FNDC3B: variants seen among roughly 807,000 people sequenced by gnomAD.
FNDC3B encodes fibronectin type III domain-containing protein 3B.
In FNDC3B, 12 loss-of-function variants were observed where a neutral mutation model predicts 151.5. The observed-to-expected ratio is 0.08, with a 90% CI of 0.05 to 0.13. The LOEUF (loss-of-function observed/expected upper bound fraction) is 0.13. Among genes scored for constraint, FNDC3B ranks in the 10% least tolerant of loss-of-function variants. The pLI is 1.00. For synonymous variants in FNDC3B, 528 were observed against 549.0 expected (o/e 0.96, Z 0.54); for missense variants, 1,214 against 1,505.3 (o/e 0.81, Z 3.20).
At chr3:172,138,640 T>A (rs570362679) in intron 3 of FNDC3B, among the ~76,000 whole-genome samples, 1 of 152,344 alleles carries the variant, frequency 6.6e-6, no homozygotes, top group Non-Finnish European at 1.5e-5. Context: ...GTGATGGTGA[T>A]AAAAAATACT....
chr3:172,133,865 T>A (rs913135061), intron 3 of FNDC3B, among the ~76,000 whole-genome samples: 3 of 152,162 alleles, frequency 2.0e-5, no homozygotes, highest in African/African-American at 7.2e-5. Flanking sequence ...TACAGTTAGT[T>A]GTTAAGTGGG....
At chr3:172,310,139 C>T (rs926300633) in intron 10 of FNDC3B, among the ~76,000 whole-genome samples, 1 of 152,168 alleles carries the variant, frequency 6.6e-6, no homozygotes, top group African/African-American at 2.4e-5. Flanking sequence ...ACCTGTAGCT[C>T]TTGGAATCCT....
chr3:172,187,835 G>A (rs917178407), intron 3 of FNDC3B, among the ~76,000 whole-genome samples: 7 of 152,024 alleles, frequency 4.6e-5, no homozygotes, highest in African/African-American at 1.2e-4. Flanking sequence ...GCCTAGTCTC[G>A]TCTCAAATGG....
intron 23 of FNDC3B, among the ~76,000 whole-genome samples, chr3:172,368,649 C>T (rs971721120): frequency 6.6e-6 from 1 of 152,150 alleles, no homozygotes; most frequent in African/African-American, 2.4e-5. Flanking sequence ...GCCTTAATTT[C>T]CCCTACTACA....
chr3:172,333,013 A>AT, intron 13 of FNDC3B, 76 bp from the exon 14 acceptor site: 1 of 915,080 alleles, frequency 1.1e-6, no homozygotes, highest in South Asian at 1.3e-5. Flanking sequence ...AAGGCAGTAT[A>AT]AAAATCCTGT....
intron 1 of FNDC3B, among the ~76,000 whole-genome samples, chr3:172,058,332 A>C (rs1000393441): frequency 6.6e-6 from 1 of 152,212 alleles, no homozygotes; most frequent in Non-Finnish European, 1.5e-5. Context: ...CAGAGGAAAA[A>C]AATGTGAACC....
intron 1 of FNDC3B, 121 bp downstream of exon 1, chr3:172,039,892 G>C (rs538193528): frequency 1.9e-4 from 29 of 152,398 alleles, no homozygotes; most frequent in African/African-American, 7.0e-4. Flanking sequence ...CCCTGTCCCG[G>C]GAGCGCCCTG....
intron 6 of FNDC3B, among the ~76,000 whole-genome samples, chr3:172,283,334 G>A (rs1473321244): frequency 2.0e-5 from 3 of 152,022 alleles, no homozygotes; most frequent in Non-Finnish European, 4.4e-5. Context: ...GTATTTGAAA[G>A]CAAGGTGGGA....
At chr3:172,198,522 C>A (rs1370431711) in intron 3 of FNDC3B, among the ~76,000 whole-genome samples, 1 of 152,198 alleles carries the variant, frequency 6.6e-6, no homozygotes, top group East Asian at 1.9e-4. Context: ...TGTAAAACTT[C>A]TACCATTTCT....
At chr3:172,367,079 A>C (rs550074582) in intron 23 of FNDC3B, among the ~76,000 whole-genome samples, 1 of 152,186 alleles carries the variant, frequency 6.6e-6, no homozygotes, top group African/African-American at 2.4e-5. Flanking sequence ...TGGACTTGCT[A>C]TGTTGAAAGG....
In FNDC3B at chr3:172,352,769, A is replaced by C. The variant is rs1733917434; in HGVS notation, c.2515-34A>C. 6.2e-7 allele frequency: 1 copy of C among 1,601,536 alleles called. No homozygotes were observed. The highest frequency in any genetic ancestry group is 1.3e-5 in the African/African-American group (1 of 74,616). ...AGGCATCAAAATGTGCTAATGGTGTAATATGGCCTTTGTCTTGCTGTTCTG... is the reference window on the plus strand; with the variant it reads ...AGGCATCAAAATGTGCTAATGGTGTCATATGGCCTTTGTCTTGCTGTTCTG... On this transcript the variant is annotated intron_variant, in intron 21 of 25. Transcript: ENST00000415807. This position sits in a 1 kb window ranked among gnomAD's most constrained non-coding sequence, Gnocchi z 4.2.
intron 23 of FNDC3B, among the ~76,000 whole-genome samples, chr3:172,369,504 G>A (rs1214213108): frequency 1.3e-5 from 2 of 151,626 alleles, no homozygotes; most frequent in African/African-American, 4.9e-5. Flanking sequence ...TCTTTGTAAA[G>A]AATTTCCACC....
chr3:172,287,437 T>G (rs1297201757), intron 7 of FNDC3B, among the ~76,000 whole-genome samples: 1 of 152,208 alleles, frequency 6.6e-6, no homozygotes, highest in Non-Finnish European at 1.5e-5. Flanking sequence ...GCAATGATAC[T>G]TCATGTTGTA....
intron 3 of FNDC3B, among the ~76,000 whole-genome samples, chr3:172,166,076 G>A (rs1722986859): frequency 1.3e-5 from 2 of 152,068 alleles, no homozygotes; most frequent in Non-Finnish European, 2.9e-5. Context: ...GACAATTTAG[G>A]AAACATAGAA....
intron 3 of FNDC3B, among the ~76,000 whole-genome samples, chr3:172,174,323 G>T (rs1723438906): frequency 6.6e-6 from 1 of 152,196 alleles, no homozygotes; most frequent in Admixed American, 6.5e-5. Flanking sequence ...TCTACAGCAT[G>T]GTGAGACTGC....
chr3:172,089,297 G>A (rs1275884778), intron 1 of FNDC3B, among the ~76,000 whole-genome samples: 1 of 151,990 alleles, frequency 6.6e-6, no homozygotes, highest in Non-Finnish European at 1.5e-5. Context: ...TGTGTTATAG[G>A]GGTACAGTAT....
chr3:172,264,711 G>A (rs905741300), intron 6 of FNDC3B, among the ~76,000 whole-genome samples: 5 of 152,030 alleles, frequency 3.3e-5, no homozygotes, highest in South Asian at 2.1e-4. Flanking sequence ...AAATGATAAC[G>A]ATACATGAGA....
chr3:172,083,312 G>C (rs1164595537), intron 1 of FNDC3B, among the ~76,000 whole-genome samples: 1 of 152,218 alleles, frequency 6.6e-6, no homozygotes, highest in Non-Finnish European at 1.5e-5. Flanking sequence ...TGTCCCACAG[G>C]GGTGATAAGG....
chr3:172,100,988 G>A (rs931509336), intron 1 of FNDC3B, among the ~76,000 whole-genome samples: 2 of 152,088 alleles, frequency 1.3e-5, no homozygotes, highest in Admixed American at 6.5e-5. Flanking sequence ...AGTATAAATA[G>A]GAGGAACTGT....
Sources: gnomAD v4.1 joint callset for allele counts (sites outside exome capture counted in the v4.1 genomes callset) on GRCh38, gnomAD v4.1.1 for gene constraint, Gnocchi (gnomAD v3.1) non-coding constraint, MANE v1.5 for transcripts, NCBI Gene and HGNC (gene_info 2026-07-23, HGNC 2026-07-21) for gene names.